TMPRSS6: variants seen among roughly 807,000 people sequenced by gnomAD.
TMPRSS6 encodes transmembrane serine protease 6.
In TMPRSS6, 67 loss-of-function variants were observed where a neutral mutation model predicts 101.5. That is an observed-to-expected ratio of 0.66 (90% CI 0.54 to 0.81). TMPRSS6 has a LOEUF of 0.81. TMPRSS6 is among the 30% of genes least tolerant of loss of function. The pLI is 0.00. For synonymous variants in TMPRSS6, 453 were observed against 464.9 expected (o/e 0.97, Z 0.33); for missense variants, 1,034 against 1,088.7 (o/e 0.95, Z 0.71).
In TMPRSS6 at chr22:37,096,672, T is replaced by G; in HGVS notation, c.380A>C (p.Asn127Thr). Residue 127 changes from asparagine (N) to threonine (T), a missense_variant, in exon 4 of 18, where the codon AAC becomes ACC. Physicochemically the swap from Asn to Thr is moderately conservative, Grantham distance 65. Coordinates refer to ENST00000676104, the MANE Select transcript of TMPRSS6 (RefSeq NM_001374504.1). Reference protein sequence around the residue: ...ITSTRLGTYYNSSSVYSFGEG... With the variant: ...ITSTRLGTYYTSSSVYSFGEG... ...CCCAAAGGAATAGACGGAGCTGGAG[T>G]TGTAGTAAGTTCCCAGGCGGGTGCT... The G allele has an allele frequency of 1.9e-6, 3 of 1,566,290 alleles. No homozygotes were observed. The highest frequency in any genetic ancestry group is 2.6e-6 in the Non-Finnish European group (3 of 1,154,562).
chr22:37,087,749 C>T (rs1487689294), intron 7 of TMPRSS6, among the ~76,000 whole-genome samples: 1 of 152,016 alleles, frequency 6.6e-6, no homozygotes, highest in African/African-American at 2.4e-5. Context: ...GTGGGAGATA[C>T]GATATTAGGA....
At chr22:37,105,773 G>A (rs1055826743) in intron 1 of TMPRSS6, among the ~76,000 whole-genome samples, 1 of 152,196 alleles carries the variant, frequency 6.6e-6, no homozygotes, top group African/African-American at 2.4e-5. Context: ...GGGTTCGAGT[G>A]ATCCTCCCAC....
rs1326714892 is a variant in TMPRSS6 at position 37,066,124 on chromosome 22, G to A, written c.2365C>T (p.Arg789Cys). 15 of 1,613,412 alleles carry A rather than the reference G, an allele frequency of 9.3e-6. No homozygotes were observed. The highest frequency in any genetic ancestry group is 2.7e-5 in the African/African-American group (2 of 74,918). Residue 789 changes from arginine to cysteine, a missense_variant, in exon 18 of 18, where the codon CGC becomes TGC. Coordinates refer to ENST00000676104, the MANE Select transcript of TMPRSS6 (RefSeq NM_001374504.1). ...GRPNYFGVYT[R>C]ITGVISWIQQ... ...ATCCAGCTGATCACACCTGTGATGC[G>A]GGTGTAGACGCCGAAGTAGTTAGGC... is the stretch of plus-strand genomic sequence containing the variant.
chr22:37,098,708 C>A (rs951791740), intron 2 of TMPRSS6, among the ~76,000 whole-genome samples, 159 bp from the exon 3 acceptor site: 8 of 152,226 alleles, frequency 5.3e-5, no homozygotes, highest in African/African-American at 1.9e-4. Context: ...TTGTCACTCC[C>A]ATTGTCATCA....
chr22:37,073,512 C>T lies in TMPRSS6; in HGVS notation c.1555+20G>A, dbSNP rs1400494450. Reference sequence around the variant, plus strand: ...ACTGCCTTTGGTGTCCCTCCAGACACTCGGCTAGGCCTGCCCTACCTTCCT... The same window carrying T: ...ACTGCCTTTGGTGTCCCTCCAGACATTCGGCTAGGCCTGCCCTACCTTCCT... On this transcript the variant is annotated intron_variant, in intron 13 of 17. Coordinates refer to ENST00000676104, the MANE Select transcript of TMPRSS6 (RefSeq NM_001374504.1). 2 of 1,572,426 alleles carry T rather than the reference C, an allele frequency of 1.3e-6. No individual in the cohort carries two copies. Among genetic ancestry groups the T allele is most frequent in the African/African-American group, 2.7e-5 (2 of 73,934 alleles).
rs1601575378 is a variant in TMPRSS6 at position 37,101,913 on chromosome 22, T to C, written c.202+1303A>G. Among the ~76,000 whole-genome samples, 1 of 152,170 alleles carries C rather than the reference T, an allele frequency of 6.6e-6. No individual in the cohort carries two copies. The highest frequency in any genetic ancestry group is 1.5e-5 in the Non-Finnish European group (1 of 68,032). On this transcript the variant is annotated intron_variant, in intron 2 of 17. Coordinates refer to ENST00000676104, the MANE Select transcript of TMPRSS6 (RefSeq NM_001374504.1). The surrounding 1 kb of genome is among the most constrained non-coding windows in gnomAD (Gnocchi z 4.1). ...TGGGGCACTGGCTTCCTGCTGGTGG[T>C]GAAATGCACATGGCGTCTACTGCCT...
At position 37,098,549 on chromosome 22, in the gene TMPRSS6, C is replaced by G. The variant is rs769129374; in HGVS notation, c.203G>C (p.Gly68Ala). ...SAGVLLWYFL[G>A]YKAEVMVSQV... ...GCTGACCATCACCTCCGCCTTGTAC[C>G]CTGCCCAGGAAGGAACCAGCAGGGT... Residue 68 changes from glycine to alanine, a missense_variant and splice_region_variant, in exon 3 of 18, where the codon GGG becomes GCG. By Grantham distance (60) the Gly-to-Ala change is moderately conservative. Coordinates refer to ENST00000676104, the MANE Select transcript of TMPRSS6 (RefSeq NM_001374504.1). 1.2e-6 allele frequency: 2 copies of G among 1,614,096 alleles called. No homozygotes were observed. Among genetic ancestry groups the G allele is most frequent in the Non-Finnish European group, 8.5e-7 (1 of 1,180,000 alleles).
In TMPRSS6 at chr22:37,073,567, C is replaced by T. The variant is rs747002613; in HGVS notation, c.1520G>A (p.Cys507Tyr). Reference sequence around the variant, plus strand: ...CTGCTCTTCGTCGCTGCCGTTGAGACAATCAGGCTGCCCATCACAGACCTT... The same window carrying T: ...CTGCTCTTCGTCGCTGCCGTTGAGATAATCAGGCTGCCCATCACAGACCTT... ...LPKVCDGQPD[C>Y]LNGSDEEQCQ... Residue 507 changes from cysteine (C) to tyrosine (Y), a missense_variant, in exon 13 of 18, where the codon TGT becomes TAT. Physicochemically the swap from Cys to Tyr is radical, Grantham distance 194. Coordinates refer to ENST00000676104, the MANE Select transcript of TMPRSS6 (RefSeq NM_001374504.1). The T allele has an allele frequency of 6.2e-7, 1 of 1,614,118 alleles. No homozygotes were observed. The highest frequency in any genetic ancestry group is 1.1e-5 in the South Asian group (1 of 91,084).
intron 16 of TMPRSS6, chr22:37,068,768 G>T: frequency 1.3e-6 from 1 of 748,690 alleles, no homozygotes; most frequent in South Asian, 1.4e-5. Context: ...TTCCACCCTT[G>T]CAGCCCAAGG....
intron 5 of TMPRSS6, 117 bp downstream of exon 5, chr22:37,095,789 T>TG (rs1204774449): frequency 2.1e-6 from 3 of 1,408,262 alleles, no homozygotes; most frequent in African/African-American, 1.4e-5. Context: ...GGGGCTCTCC[T>TG]GGGGGGCCCA....
At chr22:37,072,236 T>C (rs1468717963) in intron 13 of TMPRSS6, among the ~76,000 whole-genome samples, 5 of 122,652 alleles carry the variant, frequency 4.1e-5, no homozygotes, top group African/African-American at 1.6e-4. Flanking sequence ...GGATGGATGA[T>C]GGATGGATGG....
At position 37,077,058 on chromosome 22, in the gene TMPRSS6, A is replaced by T. The variant is rs1366234161; in HGVS notation, c.1197-1778T>A. Among the ~76,000 whole-genome samples, 3 of 152,304 alleles carry T rather than the reference A, an allele frequency of 2.0e-5. No individual in the cohort carries two copies. The East Asian group carries it at 5.8e-4, about 29-fold the overall frequency. On this transcript the variant is annotated intron_variant, in intron 10 of 17. Transcript: ENST00000676104. ...CTTAGCCACCGAACAGCTGAAGATG[A>T]GCTTTGAGGCTGTTTTAACATCTCC...
rs1214639456 is a variant in TMPRSS6, at chr22:37,075,275, C to T, written c.1202G>A (p.Cys401Tyr). The T allele has an allele frequency of 6.2e-7, 1 of 1,613,512 alleles. No homozygotes were observed. The highest frequency in any genetic ancestry group is 8.5e-7 in the Non-Finnish European group (1 of 1,179,982). The change falls in exon 11 of 18, where the codon TGT becomes TAT. Residue 401 changes from cysteine (C) to tyrosine (Y), a missense_variant. Coordinates refer to ENST00000676104, the MANE Select transcript of TMPRSS6 (RefSeq NM_001374504.1). The part of the protein sequence containing the change: ...GQWTIQNRRL[C>Y]GLRILQPYAE... ...GTAGGGCTGCAGGATGCGCAAGCCACACAGCCTGGGGGGAGTCAGAGACGA... is the reference window on the plus strand; with the variant it reads ...GTAGGGCTGCAGGATGCGCAAGCCATACAGCCTGGGGGGAGTCAGAGACGA...
At chr22:37,066,743 G>T in intron 17 of TMPRSS6, 83 bp downstream of exon 17, 1 of 1,586,916 alleles carries the variant, frequency 6.3e-7, no homozygotes, top group Non-Finnish European at 8.6e-7. Context: ...TCAGCAGGCT[G>T]ATGTGAGCAA....
Position 37,084,348 on chromosome 22 carries a change from C to A in TMPRSS6, c.1143G>T (p.Arg381Ser). ...ALWFDAYALRRQKYDLPCTQG... is the reference protein window; with the variant it reads ...ALWFDAYALRSQKYDLPCTQG... ...GGGTGCACGGCAAATCATACTTCTGCCTCCTCAGTGCATAGGCATCAAACC... is the reference window on the plus strand; with the variant it reads ...GGGTGCACGGCAAATCATACTTCTGACTCCTCAGTGCATAGGCATCAAACC... Residue 381 changes from arginine to serine, a missense_variant, in exon 10 of 18, where the codon AGG becomes AGT. Physicochemically the swap from Arg to Ser is moderately radical, Grantham distance 110. Coordinates refer to ENST00000676104, the MANE Select transcript of TMPRSS6 (RefSeq NM_001374504.1). 1 of 1,613,658 alleles carries A rather than the reference C, an allele frequency of 6.2e-7. No homozygotes were observed.
In TMPRSS6 at chr22:37,106,642, C is replaced by T. The variant is rs184475336; in HGVS notation, c.-2+2861G>A. 1.5e-3 allele frequency among the ~76,000 whole-genome samples: 231 copies of T among 152,282 alleles called. 2 individuals are homozygous for T. Among genetic ancestry groups the T allele is most frequent in the Middle Eastern group, 0.014 (4 of 294 alleles). On this transcript the variant is annotated intron_variant, in intron 1 of 17. Transcript: ENST00000676104. ...CCCCTGCCTCCATTGCGTCTTCCAG[C>T]GCATCCTCCCTCCCCAGCTCAATCG...
At chr22:37,084,675 C>G in intron 9 of TMPRSS6, 52 bp downstream of exon 9, 1 of 1,446,858 alleles carries the variant, frequency 6.9e-7, no homozygotes, top group Admixed American at 2.0e-5. Flanking sequence ...CACCAGGGAC[C>G]TGTAGTGTGC....
chr22:37,090,110 C>T (rs1929133669), intron 6 of TMPRSS6, among the ~76,000 whole-genome samples: 2 of 152,206 alleles, frequency 1.3e-5, no homozygotes, highest in African/African-American at 4.8e-5. Flanking sequence ...AAGAATAGCT[C>T]AGGAGGTGAC....
chr22:37,075,966 G>A lies in TMPRSS6; in HGVS notation c.1197-686C>T, dbSNP rs146788602. On this transcript the variant is annotated intron_variant, in intron 10 of 17. Coordinates refer to ENST00000676104, the MANE Select transcript of TMPRSS6 (RefSeq NM_001374504.1). ...GGAGGGAAAGAAGGAAGGAAGGGAG[G>A]GAGGGAAAAAGAAAGAAAGAAAGAG... Among the ~76,000 whole-genome samples, 815 of 146,044 alleles carry A rather than the reference G, an allele frequency of 5.6e-3. 6 individuals carry two copies. Among genetic ancestry groups the A allele is most frequent in the African/African-American group, 0.019 (749 of 39,330 alleles).
Sources: allele counts gnomAD v4.1 joint callset (sites outside exome capture counted in the v4.1 genomes callset), GRCh38; gene constraint gnomAD v4.1.1; non-coding constraint Gnocchi (gnomAD v3.1); transcripts MANE v1.5; gene names NCBI Gene and HGNC (gene_info 2026-07-23, HGNC 2026-07-21).